Variants in ASMTL observed in about 807,000 individuals in gnomAD.
The protein encoded by ASMTL is acetylserotonin O-methyltransferase like.
Under a neutral mutation model 60.3 loss-of-function variants are expected in ASMTL, and 57 were observed. The ratio of observed to expected loss-of-function variants is 0.95; its 90% CI spans 0.76 to 1.18. The LOEUF (loss-of-function observed/expected upper bound fraction) is 1.18. Among genes scored for constraint, ASMTL ranks in the 50% most tolerant of loss-of-function variants. The pLI is 0.00. For missense variants in ASMTL, 981 were observed against 852.6 expected (o/e 1.15, Z -1.88); for synonymous variants, 419 against 373.0 (o/e 1.12, Z -1.42).
intron 1 of ASMTL, among the ~76,000 whole-genome samples, chrX:1,444,631 C>T (rs73623903): frequency 0.042 from 6,429 of 152,164 alleles, 468 homozygotes; most frequent in African/African-American, 0.15. Flanking sequence ...CAGCCTGTCC[C>T]GGGCTAACTC....
intron 1 of ASMTL, among the ~76,000 whole-genome samples, chrX:1,445,931 G>A (rs1428146463): frequency 6.6e-6 from 1 of 151,934 alleles, no homozygotes; most frequent in Admixed American, 6.6e-5. Flanking sequence ...CCTTTCCCTG[G>A]GGGGGTTTAG....
At position 1,403,214 on chromosome X, in the gene ASMTL, G is replaced by A. The variant is rs1603450004; in HGVS notation, c.*55C>T. 18 of 1,472,060 alleles carry A rather than the reference G, an allele frequency of 1.2e-5. No homozygotes were observed. Among genetic ancestry groups the A allele is most frequent in the Admixed American group, 3.4e-5 (2 of 58,630 alleles). 91.2% of individuals were successfully genotyped at this position (1,472,060 alleles called of 1,614,324 possible). ...GTCCTATGGTACTTGGGGACCGGGC[G>A]GTCCACCTGCAGCCTGGGGGAGGAC... On this transcript the variant is annotated 3_prime_UTR_variant, in exon 13 of 13. Transcript: ENST00000381317.
intron 12 of ASMTL, among the ~76,000 whole-genome samples, chrX:1,404,467 T>C (rs1182816888): frequency 1.6e-5 from 2 of 123,330 alleles, no homozygotes; most frequent in Non-Finnish European, 3.4e-5. Context: ...GGTAGGTAGG[T>C]AGATAGATGG....
At chrX:1,452,989 G>C (rs1292230994), upstream of ASMTL, 1 of 578,434 alleles carries the variant, frequency 1.7e-6, no homozygotes. Flanking sequence ...CCCAGTCCGC[G>C]CCTTCAGTGG....
chrX:1,435,014 G>A lies in ASMTL; in HGVS notation c.400+8C>T, dbSNP rs28587213. 189,789 of 1,612,942 alleles carry A rather than the reference G, an allele frequency of 0.12. 12,317 individuals are homozygous for A. Among genetic ancestry groups the A allele is most frequent in the African/African-American group, 0.23 (17,311 of 74,882 alleles). On this transcript the variant is annotated splice_region_variant and intron_variant, in intron 5 of 12. Transcript: ENST00000381317. ...CTGGGGCTACCCCGAAACCTGGGCCGCGGTTACCTTTGCTGGAGCAGTGGA... is the reference window on the plus strand; with the variant it reads ...CTGGGGCTACCCCGAAACCTGGGCCACGGTTACCTTTGCTGGAGCAGTGGA...
At chrX:1,443,148 T>A (rs2091147091) in intron 1 of ASMTL, among the ~76,000 whole-genome samples, 1 of 151,740 alleles carries the variant, frequency 6.6e-6, no homozygotes, top group Admixed American at 6.6e-5. Context: ...CACGCCGCCA[T>A]CTTGGACACA....
chrX:1,429,250 G>A (rs1364485648), intron 6 of ASMTL, among the ~76,000 whole-genome samples: 3 of 150,382 alleles, frequency 2.0e-5, no homozygotes, highest in South Asian at 2.1e-4. Flanking sequence ...GGTCTCACTC[G>A]GTTGCTCAGG....
Position 1,452,733 on chromosome X carries a change from A to G in ASMTL, c.93+15T>C. 1 of 1,571,240 alleles carries G rather than the reference A, an allele frequency of 6.4e-7. No homozygotes were observed. Among genetic ancestry groups the G allele is most frequent in the Non-Finnish European group, 8.6e-7 (1 of 1,165,102 alleles). On this transcript the variant is annotated intron_variant, in intron 1 of 12. Transcript: ENST00000381317. ...CCGTCCCCGGTCCCCTGCCCCGCCC[A>G]GGCCCAGGCCGTACCGCGTTGCTGA...
At chrX:1,427,396 A>G (rs1461415029) in intron 7 of ASMTL, among the ~76,000 whole-genome samples, 1 of 151,958 alleles carries the variant, frequency 6.6e-6, no homozygotes, top group Non-Finnish European at 1.5e-5. Flanking sequence ...AAGAATCTCA[A>G]GAGGAAATCA....
chrX:1,412,996 A>C, intron 11 of ASMTL, 142 bp from the exon 12 acceptor site: 2 of 890,854 alleles, frequency 2.2e-6, no homozygotes, highest in Non-Finnish European at 3.6e-6. Flanking sequence ...TTCCTGAAGT[A>C]CATCCCCGTG....
At chrX:1,407,042 G>A (rs1464804256) in intron 12 of ASMTL, among the ~76,000 whole-genome samples, 1 of 148,066 alleles carries the variant, frequency 6.8e-6, no homozygotes, top group South Asian at 2.1e-4. Flanking sequence ...TGATGGGTAG[G>A]TAGATGGATG....
intron 11 of ASMTL, among the ~76,000 whole-genome samples, chrX:1,417,650 GAC>G (rs1289161567): frequency 4.7e-5 from 7 of 149,410 alleles, no homozygotes; most frequent in Middle Eastern, 3.4e-3. Flanking sequence ...TACCCACACA[GAC>G]ACACACACAT....
chrX:1,404,599 G>T (rs1218545562), intron 12 of ASMTL, among the ~76,000 whole-genome samples: 1 of 151,550 alleles, frequency 6.6e-6, no homozygotes, highest in African/African-American at 2.4e-5. Flanking sequence ...ATAGATGATA[G>T]ATGATGGGTA....
intron 3 of ASMTL, among the ~76,000 whole-genome samples, chrX:1,438,880 G>C (rs1286404779): frequency 3.9e-5 from 6 of 152,126 alleles, no homozygotes; most frequent in African/African-American, 1.4e-4. Context: ...GCCCACCTCG[G>C]CCTCCCAAAA....
chrX:1,431,434 A>C (rs1320137495), intron 6 of ASMTL, among the ~76,000 whole-genome samples: 1 of 136,508 alleles, frequency 7.3e-6, no homozygotes, highest in Non-Finnish European at 1.5e-5. Context: ...CTATCATATA[A>C]TCTATTATAA....
At chrX:1,407,342 A>AGATG (rs1188069446) in intron 12 of ASMTL, among the ~76,000 whole-genome samples, 1 of 148,516 alleles carries the variant, frequency 6.7e-6, no homozygotes, top group African/African-American at 2.5e-5. Flanking sequence ...TAGATGGATG[A>AGATG]GATGGATGGG....
chrX:1,426,578 C>T (rs1188284324), intron 7 of ASMTL, among the ~76,000 whole-genome samples: 4 of 152,164 alleles, frequency 2.6e-5, no homozygotes, highest in Admixed American at 6.5e-5. Context: ...TCAGGCCGGG[C>T]GCGCTGGCTC....
intron 6 of ASMTL, 73 bp downstream of exon 6, chrX:1,432,196 G>A (rs1352008714): frequency 4.0e-6 from 5 of 1,258,592 alleles, no homozygotes; most frequent in Non-Finnish European, 5.7e-6. Context: ...AAGGCTGGGT[G>A]GGACACCCCA....
rs557488175 is a variant in ASMTL at position 1,436,587 on chromosome X, T to C, written c.274-829A>G. On this transcript the variant is annotated intron_variant, in intron 3 of 12. Coordinates refer to ENST00000381317, the MANE Select transcript of ASMTL (RefSeq NM_004192.4). ...CAGGATGGTCTCGATCTCCTGACCT[T>C]GTGATCCACCCGCCTCGGCCTCCCA... 1.2e-3 allele frequency among the ~76,000 whole-genome samples: 182 copies of C among 152,080 alleles called. 2 individuals carry two copies. Among genetic ancestry groups the C allele is most frequent in the Non-Finnish European group, 7.1e-4 (48 of 67,946 alleles).
Sources: gnomAD v4.1 joint callset for allele counts (sites outside exome capture counted in the v4.1 genomes callset) on GRCh38, gnomAD v4.1.1 for gene constraint, MANE v1.5 for transcripts, NCBI Gene and HGNC (gene_info 2026-07-23, HGNC 2026-07-21) for gene names.